Variants in SDHAF3 observed in about 807,000 individuals in gnomAD.
The protein encoded by SDHAF3 is succinate dehydrogenase assembly factor 3, mitochondrial.
In SDHAF3, 18 loss-of-function variants were observed where a neutral mutation model predicts 11.5. The ratio of observed to expected loss-of-function variants is 1.56; its 90% CI spans 1.08 to 2.32. The LOEUF (loss-of-function observed/expected upper bound fraction) is 2.32, where lower values mean the gene tolerates loss of function less well. Ranked by LOEUF, SDHAF3 falls within the 30% of genes most tolerant of loss-of-function variation. The pLI is 0.00. For missense variants in SDHAF3, 200 were observed against 154.4 expected, an observed-to-expected ratio of 1.30 and a Z score of -1.57; for synonymous variants, 72 against 59.3, an observed-to-expected ratio of 1.21 and a Z score of -0.99.
At chr7:97,152,913 C>T (rs2115696805) in intron 1 of SDHAF3, among the ~76,000 whole-genome samples, 1 of 152,344 alleles carries the variant, frequency 6.6e-6, no homozygotes, top group East Asian at 1.9e-4. Context: ...CCATGCCCGC[C>T]ATGGCCTCCC....
At chr7:97,139,034 G>A (rs1277657216) in intron 1 of SDHAF3, among the ~76,000 whole-genome samples, 1 of 152,238 alleles carries the variant, frequency 6.6e-6, no homozygotes, top group East Asian at 1.9e-4. Context: ...CCACTGCCCT[G>A]CTCCCAGCAG....
At chr7:97,139,277 G>A (rs1351969498) in intron 1 of SDHAF3, among the ~76,000 whole-genome samples, 1 of 152,210 alleles carries the variant, frequency 6.6e-6, no homozygotes, top group Admixed American at 6.5e-5. Context: ...GGGACTCAAA[G>A]TGAGTGGTCC....
chr7:97,121,897 GCCC>G (rs1386390112), intron 1 of SDHAF3, among the ~76,000 whole-genome samples: 1 of 138,356 alleles, frequency 7.2e-6, no homozygotes, highest in Non-Finnish European at 1.5e-5. Flanking sequence ...TCGCTCTATC[GCCC>G]AGGCTGGAGT....
At chr7:97,165,831 T>A (rs1340119516) in intron 1 of SDHAF3, among the ~76,000 whole-genome samples, 1 of 152,220 alleles carries the variant, frequency 6.6e-6, no homozygotes, top group African/African-American at 2.4e-5. Context: ...TTTTATTCTT[T>A]TCCTTTTTTC....
chr7:97,146,291 G>A (rs73406434), intron 1 of SDHAF3, among the ~76,000 whole-genome samples: 4,939 of 152,036 alleles, frequency 0.032, 247 homozygotes, highest in African/African-American at 0.11. Flanking sequence ...GACATTTGTG[G>A]GAGTAAAAGA....
intron 1 of SDHAF3, among the ~76,000 whole-genome samples, chr7:97,177,792 C>T (rs1305496961): frequency 1.3e-5 from 2 of 152,104 alleles, no homozygotes; most frequent in Admixed American, 6.5e-5. Context: ...ATTCCTCATT[C>T]TCTGCTGAGA....
intron 1 of SDHAF3, among the ~76,000 whole-genome samples, chr7:97,149,614 C>T (rs186362969): frequency 1.3e-3 from 204 of 152,264 alleles, no homozygotes; most frequent in Non-Finnish European, 1.2e-3. Context: ...GTAGCATTGT[C>T]TTAAAATAGA....
At chr7:97,180,984 C>G (rs763313142) in intron 1 of SDHAF3, 28 bp from the exon 2 acceptor site, 26 of 1,579,094 alleles carry the variant, frequency 1.6e-5, no homozygotes, top group Non-Finnish European at 2.2e-5. Context: ...AACTTTACAT[C>G]TATAACCTTC....
rs557992830 is a variant in SDHAF3, at chr7:97,156,416, C to T, written c.175-24596C>T. 4.9e-3 allele frequency among the ~76,000 whole-genome samples: 753 copies of T among 152,274 alleles called. 8 individuals are homozygous for T. Among genetic ancestry groups the T allele is most frequent in the African/African-American group, 0.017 (712 of 41,552 alleles). ...CATTAATGTGGCTGATGAGCTTGCA[C>T]TAATAGTTGGAAAAGTATTCTCCAC... On this transcript the variant is annotated intron_variant, in intron 1 of 1. Coordinates refer to ENST00000432641, the MANE Select transcript of SDHAF3 (RefSeq NM_020186.3).
At chr7:97,122,507 T>G (rs1476999677) in intron 1 of SDHAF3, among the ~76,000 whole-genome samples, 2 of 146,676 alleles carry the variant, frequency 1.4e-5, no homozygotes, top group Non-Finnish European at 3.0e-5. Context: ...TTTATGAGGT[T>G]TTTTTTTTTT....
At chr7:97,166,537 G>A (rs1395986940) in intron 1 of SDHAF3, among the ~76,000 whole-genome samples, 3 of 152,154 alleles carry the variant, frequency 2.0e-5, no homozygotes, top group Non-Finnish European at 2.9e-5. Flanking sequence ...AGTAGCTTTT[G>A]GAGAGAACAG....
rs143495192 is a variant in SDHAF3 at position 97,167,573 on chromosome 7, C to T, written c.175-13439C>T. Among the ~76,000 whole-genome samples, 291 of 152,232 alleles carry T rather than the reference C, an allele frequency of 1.9e-3. 1 individual carries two copies. The highest frequency in any genetic ancestry group is 6.5e-3 in the African/African-American group (268 of 41,548). On this transcript the variant is annotated intron_variant, in intron 1 of 1. Transcript: ENST00000432641. Reference sequence around the variant, plus strand: ...AGAGAAAGAGTAATTCACACATAGTCGGCTGTACAGGAGATTAGTTTATTA... The same window carrying T: ...AGAGAAAGAGTAATTCACACATAGTTGGCTGTACAGGAGATTAGTTTATTA...
At chr7:97,141,165 C>T (rs571173234) in intron 1 of SDHAF3, among the ~76,000 whole-genome samples, 60 of 150,966 alleles carry the variant, frequency 4.0e-4, no homozygotes, top group African/African-American at 1.1e-3. Flanking sequence ...TTGGTCAGAC[C>T]GGTTGTCTGC....
intron 1 of SDHAF3, among the ~76,000 whole-genome samples, chr7:97,126,997 T>C (rs1258183768): frequency 6.6e-6 from 1 of 152,158 alleles, no homozygotes; most frequent in Non-Finnish European, 1.5e-5. Context: ...GCATAGTATC[T>C]GGGCCGGATA....
At chr7:97,178,542 AATT>A (rs1166698513) in intron 1 of SDHAF3, among the ~76,000 whole-genome samples, 1 of 152,140 alleles carries the variant, frequency 6.6e-6, no homozygotes, top group Non-Finnish European at 1.5e-5. Flanking sequence ...GGGTTTAAAA[AATT>A]ATTATAGTAG....
chr7:97,154,256 A>G (rs928872339), intron 1 of SDHAF3, among the ~76,000 whole-genome samples: 2 of 152,200 alleles, frequency 1.3e-5, no homozygotes, highest in African/African-American at 4.8e-5. Context: ...GAAACAAATC[A>G]CAATGGTGGA....
At chr7:97,132,856 G>C (rs117474645) in intron 1 of SDHAF3, among the ~76,000 whole-genome samples, 2 of 152,248 alleles carry the variant, frequency 1.3e-5, no homozygotes, top group East Asian at 3.9e-4. Flanking sequence ...ATAGGGTCTG[G>C]TAATTGATCT....
chr7:97,147,369 T>A (rs1789152024), intron 1 of SDHAF3, among the ~76,000 whole-genome samples: 1 of 152,270 alleles, frequency 6.6e-6, no homozygotes, highest in African/African-American at 2.4e-5. Flanking sequence ...CTTCTAGTTA[T>A]AAGCTTTGTT....
intron 1 of SDHAF3, among the ~76,000 whole-genome samples, chr7:97,139,759 A>T (rs545992063): frequency 2.6e-5 from 4 of 152,198 alleles, no homozygotes; most frequent in Non-Finnish European, 4.4e-5. Flanking sequence ...CAAATTTTGT[A>T]ATTTTGTTAT....
Sources: allele counts gnomAD v4.1 joint callset (sites outside exome capture counted in the v4.1 genomes callset), GRCh38; gene constraint gnomAD v4.1.1; transcripts MANE v1.5; gene names NCBI Gene and HGNC (gene_info 2026-07-23, HGNC 2026-07-21).